The following KLF7 variants were observed in gnomAD, a reference collection of about 807,000 sequenced individuals.
KLF7 encodes the protein Krueppel-like factor 7.
Under a neutral mutation model 27.3 loss-of-function variants are expected in KLF7, and 2 were observed. The ratio of observed to expected loss-of-function variants is 0.07; its 90% CI spans 0.03 to 0.23. The LOEUF (loss-of-function observed/expected upper bound fraction) is 0.23. KLF7 is among the 10% of genes least tolerant of loss of function. KLF7 has a pLI of 1.00. For missense variants in KLF7, 221 were observed against 394.1 expected (o/e 0.56, Z 3.72); for synonymous variants, 165 against 162.4 (o/e 1.02, Z -0.12).
At chr2:207,146,685 T>G (rs2106086914) in intron 1 of KLF7, among the ~76,000 whole-genome samples, 1 of 151,716 alleles carries the variant, frequency 6.6e-6, no homozygotes, top group Admixed American at 6.6e-5. Flanking sequence ...TTATTCCTGC[T>G]CAAGAGAGAA....
upstream of KLF7, chr2:207,167,292 T>G: frequency 1.7e-6 from 1 of 576,848 alleles, no homozygotes; most frequent in Non-Finnish European, 2.5e-6. Flanking sequence ...GCCAATTGTT[T>G]GCTTGACCTT....
intron 2 of KLF7, among the ~76,000 whole-genome samples, chr2:207,112,342 C>T (rs2077060864): frequency 2.0e-5 from 3 of 152,090 alleles, no homozygotes; most frequent in African/African-American, 7.3e-5. Context: ...TTCTCGCGAT[C>T]ACCTAGCCTG....
intron 1 of KLF7, among the ~76,000 whole-genome samples, chr2:207,142,938 T>G (rs1441862483): frequency 1.3e-5 from 2 of 152,212 alleles, no homozygotes; most frequent in Admixed American, 6.5e-5. Context: ...TCTCTAGATC[T>G]TCAGTGATAA....
chr2:207,171,614 C>T (rs954642320), upstream of KLF7, among the ~76,000 whole-genome samples: 4 of 152,208 alleles, frequency 2.6e-5, no homozygotes, highest in African/African-American at 9.7e-5. Context: ...AGTCAGCAGC[C>T]ATTGACATTG....
At chr2:207,166,945 C>T (rs2078732820), upstream of KLF7, 2 of 879,550 alleles carry the variant, frequency 2.3e-6, no homozygotes, top group African/African-American at 1.8e-5. Context: ...GCGGGCGCCG[C>T]CGCCGCCGCC....
chr2:207,148,597 A>AT (rs1416151658), intron 1 of KLF7, among the ~76,000 whole-genome samples: 1 of 152,142 alleles, frequency 6.6e-6, no homozygotes, highest in Non-Finnish European at 1.5e-5. Context: ...TTTTGCCCAT[A>AT]TTTTTTTAAA....
chr2:207,077,039 CT>C lies in KLF7; in HGVS notation c.*4173del, dbSNP rs1482217805. On this transcript the variant is annotated 3_prime_UTR_variant, in exon 4 of 4. Coordinates refer to ENST00000309446, the MANE Select transcript of KLF7 (RefSeq NM_003709.4). ...GTGTTGCATCTTTATCTTACTTTGC[CT>C]ACCTTCTTCCTGCTCCTAAAAGCAA... The C allele has an allele frequency of 6.6e-6, 1 of 152,176 alleles. No homozygotes were observed. The highest frequency in any genetic ancestry group is 2.4e-5 in the African/African-American group (1 of 41,446). The allele number at this position is 152,176 out of a possible 1,614,324, so 9.4% of individuals were successfully genotyped here. A position where few individuals can be genotyped will look rare whatever the true frequency, so the allele number is the denominator to read the frequency against.
intron 2 of KLF7, among the ~76,000 whole-genome samples, chr2:207,111,931 G>A (rs1265218146): frequency 1.3e-5 from 2 of 152,092 alleles, no homozygotes; most frequent in African/African-American, 4.8e-5. Flanking sequence ...GGCTGGGTAA[G>A]ACAAACTCCC....
intron 3 of KLF7, among the ~76,000 whole-genome samples, chr2:207,081,810 G>T (rs968212361): frequency 2.1e-5 from 3 of 146,196 alleles, no homozygotes; most frequent in Non-Finnish European, 4.5e-5. Context: ...AATACTGCTT[G>T]TGATACTACT....
Position 207,124,065 on chromosome 2 carries a change from G to C in KLF7, c.442C>G (p.Leu148Val). Residue 148 changes from leucine to valine, a missense_variant, in exon 2 of 4, where the codon CTG becomes GTG. By Grantham distance (32) the Leu-to-Val change is conservative. Transcript: ENST00000309446. ...PPSSPELSRH[L>V]VKTSQTLSAV... ...GAGAGAGTTTGTGAGGTTTTGACCAGATGGCGGCTGAGCTCAGGGGACGAT... is the reference window on the plus strand; with the variant it reads ...GAGAGAGTTTGTGAGGTTTTGACCACATGGCGGCTGAGCTCAGGGGACGAT... 1 of 1,614,192 alleles carries C rather than the reference G, an allele frequency of 6.2e-7. No individual in the cohort carries two copies. The highest frequency in any genetic ancestry group is 8.5e-7 in the Non-Finnish European group (1 of 1,180,038).
At chr2:207,151,370 G>C (rs2078242323) in intron 1 of KLF7, among the ~76,000 whole-genome samples, 1 of 151,880 alleles carries the variant, frequency 6.6e-6, no homozygotes, top group African/African-American at 2.4e-5. Flanking sequence ...CTGAAGCTCA[G>C]GCCAGTTATC....
chr2:207,119,405 T>C (rs1248245587), intron 2 of KLF7, among the ~76,000 whole-genome samples: 1 of 129,644 alleles, frequency 7.7e-6, no homozygotes, highest in Non-Finnish European at 1.6e-5. Flanking sequence ...CTTCTTTTTT[T>C]ACATAGAAAC....
At chr2:207,092,917 G>A (rs2105884734) in intron 2 of KLF7, among the ~76,000 whole-genome samples, 1 of 152,254 alleles carries the variant, frequency 6.6e-6, no homozygotes, top group South Asian at 2.1e-4. Context: ...CCTTCAAAAA[G>A]ACTGTGTTGC....
chr2:207,093,026 C>T (rs1188477855), intron 2 of KLF7, among the ~76,000 whole-genome samples: 1 of 152,166 alleles, frequency 6.6e-6, no homozygotes, highest in Admixed American at 6.5e-5. Flanking sequence ...TTCATGGCTC[C>T]TACAGTCTAT....
intron 2 of KLF7, among the ~76,000 whole-genome samples, chr2:207,115,621 T>C (rs2077157686): frequency 2.0e-5 from 3 of 152,138 alleles, no homozygotes; most frequent in African/African-American, 7.2e-5. Flanking sequence ...CATTAACAAA[T>C]TGTTGAAAGG....
At chr2:207,151,723 TACAC>T (rs72289250) in intron 1 of KLF7, among the ~76,000 whole-genome samples, 33,696 of 149,868 alleles carry the variant, frequency 0.22, 4,559 homozygotes, top group Middle Eastern at 0.32. Flanking sequence ...TGAAAAATTT[TACAC>T]ACACACACAC....
At chr2:207,145,629 C>G (rs3791995) in intron 1 of KLF7, among the ~76,000 whole-genome samples, 94,338 of 152,052 alleles carry the variant, frequency 0.62, 29,589 homozygotes, top group Non-Finnish European at 0.66. Flanking sequence ...AATATTCCTT[C>G]ATTATGTCAG....
intron 1 of KLF7, among the ~76,000 whole-genome samples, chr2:207,137,700 G>A (rs188052365): frequency 1.3e-5 from 2 of 152,292 alleles, no homozygotes; most frequent in African/African-American, 4.8e-5. Flanking sequence ...CATGTGCATA[G>A]TGTGCCACTG....
At chr2:207,121,480 G>A (rs893390090) in intron 2 of KLF7, 1 of 152,052 alleles carries the variant, frequency 6.6e-6, no homozygotes, top group Non-Finnish European at 1.5e-5. Context: ...AACAATCTAG[G>A]AGGTAGACAC....
Sources: allele counts gnomAD v4.1 joint callset (sites outside exome capture counted in the v4.1 genomes callset), GRCh38; gene constraint gnomAD v4.1.1; transcripts MANE v1.5; gene names NCBI Gene and HGNC (gene_info 2026-07-23, HGNC 2026-07-21).